The following XRCC4 variants were observed in gnomAD, a reference collection of about 807,000 sequenced individuals.
XRCC4 encodes the protein X-ray repair cross complementing 4.
Under a neutral mutation model 39.1 loss-of-function variants are expected in XRCC4, and 28 were observed. That is an observed-to-expected ratio of 0.72 (90% confidence interval 0.53 to 0.98). The LOEUF is 0.98. Ranked by LOEUF, XRCC4 falls within the 50% of genes least tolerant of loss-of-function variation. The probability of loss-of-function intolerance (pLI) is 0.00; values close to 1 mark genes in which losing one functional copy is unlikely to be tolerated. For synonymous variants in XRCC4, 123 were observed against 126.4 expected, an observed-to-expected ratio of 0.97 and a Z score of 0.18; for missense variants, 350 against 376.4, an observed-to-expected ratio of 0.93 and a Z score of 0.58.
chr5:83,146,649 T>C (rs1017607264), intron 3 of XRCC4, among the ~76,000 whole-genome samples: 1 of 152,202 alleles, frequency 6.6e-6, no homozygotes, highest in Non-Finnish European at 1.5e-5. Flanking sequence ...GCACCAAGCA[T>C]AGTGCCTGGC....
intron 1 of XRCC4, among the ~76,000 whole-genome samples, chr5:83,079,823 C>T (rs1012386275): frequency 6.6e-5 from 10 of 152,234 alleles, no homozygotes; most frequent in South Asian, 2.1e-4. Context: ...TGTAGGCCAC[C>T]GCACCACGTC....
chr5:83,287,398 C>G lies in XRCC4; in HGVS notation c.893+28721C>G, dbSNP rs886965616. Among the ~76,000 whole-genome samples, 18 of 151,982 alleles carry G rather than the reference C, an allele frequency of 1.2e-4. 1 individual carries two copies. The highest frequency in any genetic ancestry group is 6.6e-5 in the Admixed American group (1 of 15,238). On this transcript the variant is annotated intron_variant, in intron 7 of 7. Transcript: ENST00000396027. ...GCACAGCTTTCTATGCCTTATTTCA[C>G]AAATGTTAATGTGAAGGAGAAAAAT... is the stretch of plus-strand genomic sequence containing the variant.
chr5:83,297,940 T>G (rs1036130814), intron 7 of XRCC4, among the ~76,000 whole-genome samples: 1 of 151,958 alleles, frequency 6.6e-6, no homozygotes, highest in Non-Finnish European at 1.5e-5. Context: ...TTCTAAAAAT[T>G]TATGCCATTC....
chr5:83,326,266 G>C (rs905886165), intron 7 of XRCC4, among the ~76,000 whole-genome samples: 1 of 151,860 alleles, frequency 6.6e-6, no homozygotes, highest in African/African-American at 2.4e-5. Context: ...AGTAGACCCC[G>C]TTTGTCAATT....
intron 3 of XRCC4, 133 bp from the exon 4 acceptor site, chr5:83,195,635 GTA>G: frequency 1.2e-6 from 1 of 830,948 alleles, no homozygotes. Flanking sequence ...CTCACTGTTT[GTA>G]TATCTTGTAA....
intron 3 of XRCC4, among the ~76,000 whole-genome samples, chr5:83,162,511 A>C (rs1409214770): frequency 1.3e-5 from 2 of 152,214 alleles, no homozygotes; most frequent in African/African-American, 4.8e-5. Flanking sequence ...TGGAATCCTC[A>C]CTGCCTCTTC....
At chr5:83,243,718 A>G (rs1479142040) in intron 6 of XRCC4, among the ~76,000 whole-genome samples, 2 of 152,202 alleles carry the variant, frequency 1.3e-5, no homozygotes, top group Non-Finnish European at 2.9e-5. Context: ...GAGCTAGGAA[A>G]AAGATACCAG....
chr5:83,132,212 ACT>A (rs1747629490), intron 3 of XRCC4, among the ~76,000 whole-genome samples: 1 of 151,618 alleles, frequency 6.6e-6, no homozygotes, highest in South Asian at 2.1e-4. Flanking sequence ...ATTGGCCCCC[ACT>A]CTCTTCTGGC....
At chr5:83,261,335 A>G (rs1407634333) in intron 7 of XRCC4, among the ~76,000 whole-genome samples, 1 of 152,002 alleles carries the variant, frequency 6.6e-6, no homozygotes. Flanking sequence ...GCTTGTCATC[A>G]AAAACATAAA....
chr5:83,242,776 T>C (rs564829398), intron 6 of XRCC4, among the ~76,000 whole-genome samples: 1 of 152,206 alleles, frequency 6.6e-6, no homozygotes, highest in Non-Finnish European at 1.5e-5. Context: ...TCCTTTGTAA[T>C]AGCTAGCACT....
intron 3 of XRCC4, among the ~76,000 whole-genome samples, chr5:83,163,135 CG>C (rs1456522057): frequency 6.6e-6 from 1 of 151,746 alleles, no homozygotes; most frequent in Non-Finnish European, 1.5e-5. Context: ...TTAGTAAAGA[CG>C]GGGTTTCACC....
At chr5:83,085,508 G>A (rs1745142037) in intron 1 of XRCC4, among the ~76,000 whole-genome samples, 2 of 152,028 alleles carry the variant, frequency 1.3e-5, no homozygotes, top group African/African-American at 4.8e-5. Context: ...GTAGATGCTT[G>A]TATGATATAG....
intron 7 of XRCC4, among the ~76,000 whole-genome samples, chr5:83,309,053 G>A (rs1327622492): frequency 6.6e-6 from 1 of 151,334 alleles, no homozygotes; most frequent in Non-Finnish European, 1.5e-5. Context: ...GCTGAGGTGG[G>A]TGGATCATGA....
chr5:83,285,992 C>G (rs986982569), intron 7 of XRCC4, among the ~76,000 whole-genome samples: 1 of 152,074 alleles, frequency 6.6e-6, no homozygotes, highest in African/African-American at 2.4e-5. Flanking sequence ...AAGATATCCC[C>G]TGTGCTTGGC....
chr5:83,304,417 G>A (rs1348453414), intron 7 of XRCC4, among the ~76,000 whole-genome samples: 1 of 151,914 alleles, frequency 6.6e-6, no homozygotes, highest in Non-Finnish European at 1.5e-5. Flanking sequence ...CTCTTTATTT[G>A]CTCTCTTACC....
intron 4 of XRCC4, among the ~76,000 whole-genome samples, chr5:83,197,304 G>A (rs529276073): frequency 1.3e-5 from 2 of 152,122 alleles, no homozygotes; most frequent in South Asian, 4.1e-4. Flanking sequence ...TAGCTTGGGT[G>A]TATTTTCTAT....
intron 6 of XRCC4, among the ~76,000 whole-genome samples, chr5:83,255,714 T>TTTGAAAAAAAA (rs1210182415): frequency 6.6e-6 from 1 of 152,252 alleles, no homozygotes; most frequent in East Asian, 1.9e-4. Context: ...GTCCTATAGG[T>TTTGAAAAAAAA]TTGAAAAAAA....
At chr5:83,127,880 C>CTTTTTTTTTTTTTTTTTTTTTTTTTTTT (rs59797411) in intron 3 of XRCC4, among the ~76,000 whole-genome samples, 1 of 134,148 alleles carries the variant, frequency 7.5e-6, no homozygotes. Flanking sequence ...TCTAAGTTGA[C>CTTTTTTTTTTTTTTTTTTTTTTTTTTTT]TTTTTTTTTT....
intron 7 of XRCC4, among the ~76,000 whole-genome samples, chr5:83,300,593 T>TC (rs1285561222): frequency 2.7e-5 from 4 of 147,178 alleles, no homozygotes; most frequent in African/African-American, 9.9e-5. Context: ...TTTTTTTTTT[T>TC]CATTATACTT....
Sources: allele counts gnomAD v4.1 joint callset (sites outside exome capture counted in the v4.1 genomes callset), GRCh38; gene constraint gnomAD v4.1.1; transcripts MANE v1.5; gene names NCBI Gene and HGNC (gene_info 2026-07-23, HGNC 2026-07-21).